The following DSP variants were observed in gnomAD, a reference collection of about 807,000 sequenced individuals.
DSP encodes 250/210 kDa paraneoplastic pemphigus antigen.
In DSP, 114 loss-of-function variants were observed where a neutral mutation model predicts 290.6. That is an observed-to-expected ratio of 0.39 (90% confidence interval 0.34 to 0.46). The LOEUF is 0.46. Among genes scored for constraint, DSP ranks in the 20% least tolerant of loss-of-function variants. The pLI is 0.99. For synonymous variants in DSP, 1,311 were observed against 1,316.4 expected, an observed-to-expected ratio of 1.00 and a Z score of 0.09; for missense variants, 3,230 against 3,495.8, an observed-to-expected ratio of 0.92 and a Z score of 1.92.
rs778679255 is a variant in DSP at position 7,583,757 on chromosome 6, C to T, written c.6495C>T (p.Pro2165=). ...ATTTGTATCGATCCCTGAATGATCCCCGAGATAGTCAGAAAAACTTTGTGG... is the reference window on the plus strand; with the variant it reads ...ATTTGTATCGATCCCTGAATGATCCTCGAGATAGTCAGAAAAACTTTGTGG... ...DRDLYRSLND[P]RDSQKNFVDP... Residue 2165 remains proline, a synonymous_variant, in exon 24 of 24, where the codon CCC becomes CCT. Coordinates refer to ENST00000379802, the MANE Select transcript of DSP (RefSeq NM_004415.4). This position sits in a 1 kb window ranked among gnomAD's most constrained non-coding sequence, Gnocchi z 4.0. The T allele has an allele frequency of 2.5e-6, 4 of 1,614,036 alleles. No homozygotes were observed. The South Asian group carries it at 4.4e-5, about 18-fold the overall frequency.
At position 7,546,964 on chromosome 6, in the gene DSP, A is replaced by G. The variant is rs1000100688; in HGVS notation, c.170+4879A>G. Among the ~76,000 whole-genome samples, 4 of 152,320 alleles carry G rather than the reference A, an allele frequency of 2.6e-5. No individual in the cohort carries two copies. In the South Asian group the frequency reaches 8.3e-4, roughly 32 times the overall value. On this transcript the variant is annotated intron_variant, in intron 1 of 23. Coordinates refer to ENST00000379802, the MANE Select transcript of DSP (RefSeq NM_004415.4). ...AAACTGCTGATGCCCCTGATGCCTC[A>G]GTGCTGACTTCTTAGGGTGGAGCAA... is the stretch of plus-strand genomic sequence containing the variant.
chr6:7,559,467 A>G, intron 4 of DSP, 67 bp downstream of exon 4: 1 of 1,601,126 alleles, frequency 6.2e-7, no homozygotes, highest in Non-Finnish European at 8.5e-7. Flanking sequence ...GGGTCAGCCC[A>G]TGTGTTTGTG....
In DSP at chr6:7,586,018, A is replaced by G. The variant is rs1759662672; in HGVS notation, c.*140A>G. On this transcript the variant is annotated 3_prime_UTR_variant, in exon 24 of 24. Transcript: ENST00000379802. Reference sequence around the variant, plus strand: ...CTTACAGAAAATATAGCCATGATTGAAATCAAATAGTAAAGGCTGTTCTGG... The same window carrying G: ...CTTACAGAAAATATAGCCATGATTGGAATCAAATAGTAAAGGCTGTTCTGG... 1.1e-6 allele frequency: 1 copy of G among 895,586 alleles called. No individual in the cohort carries two copies. Among genetic ancestry groups the G allele is most frequent in the South Asian group, 1.5e-5 (1 of 65,114 alleles). 55.5% of individuals were successfully genotyped at this position (895,586 alleles called of 1,614,324 possible).
intron 12 of DSP, among the ~76,000 whole-genome samples, chr6:7,569,621 G>C (rs1008177420): frequency 5.3e-5 from 8 of 152,232 alleles, no homozygotes; most frequent in African/African-American, 1.7e-4. Flanking sequence ...GATCACCTGA[G>C]GTTAGGAGTT....
At chr6:7,577,082 A>T in intron 20 of DSP, 40 bp downstream of exon 20, 1 of 1,518,360 alleles carries the variant, frequency 6.6e-7, no homozygotes, top group South Asian at 1.2e-5. Flanking sequence ...TTTCACCAAG[A>T]TTATTATTAA....
Position 7,580,836 on chromosome 6 carries a change from G to A in DSP, c.4646G>A (p.Arg1549Lys). 6.2e-7 allele frequency: 1 copy of A among 1,614,142 alleles called. No individual in the cohort carries two copies. The highest frequency in any genetic ancestry group is 8.5e-7 in the Non-Finnish European group (1 of 1,180,032). The change falls in exon 23 of 24, where the codon AGG becomes AAG. Residue 1549 changes from arginine (R) to lysine (K), a missense_variant. By Grantham distance (26) the Arg-to-Lys change is conservative. Coordinates refer to ENST00000379802, the MANE Select transcript of DSP (RefSeq NM_004415.4). This position sits in a 1 kb window ranked among gnomAD's most constrained non-coding sequence, Gnocchi z 4.2. ...GACTATGAAAGGGTTTCCCAGGAGA[G>A]GACTGTGAAGGACCAGGATATCACG... ...RIDYERVSQE[R>K]TVKDQDITRF...
rs1257250132 is a variant in DSP at position 7,584,969 on chromosome 6, C to A, written c.7707C>A (p.Thr2569=). The part of the protein sequence containing the change: ...DMISLKNGVG[T]SSSMGSGVSD... ...TCTCCTTGAAAAATGGTGTCGGCAC[C>A]AGCAGCAGCATGGGCAGTGGTGTCA... The change falls in exon 24 of 24, where the codon ACC becomes ACA. Residue 2569 remains threonine (T), a synonymous_variant. Transcript: ENST00000379802. This position sits in a 1 kb window ranked among gnomAD's most constrained non-coding sequence, Gnocchi z 6.4. 2 of 1,614,106 alleles carry A rather than the reference C, an allele frequency of 1.2e-6. No homozygotes were observed. The highest frequency in any genetic ancestry group is 1.7e-6 in the Non-Finnish European group (2 of 1,180,050).
intron 8 of DSP, among the ~76,000 whole-genome samples, chr6:7,566,765 T>A (rs1236123597): frequency 6.6e-6 from 1 of 152,222 alleles, no homozygotes; most frequent in Non-Finnish European, 1.5e-5. Context: ...AGTGTGCCTG[T>A]ATTCCAATAA....
chr6:7,573,628 T>C (rs906912098), intron 15 of DSP, among the ~76,000 whole-genome samples: 1 of 151,150 alleles, frequency 6.6e-6, no homozygotes, highest in Admixed American at 6.6e-5. Flanking sequence ...AAAGCATGGA[T>C]GAATGTGGGG....
chr6:7,583,069 A>G lies in DSP; in HGVS notation c.5807A>G (p.Gln1936Arg). The G allele has an allele frequency of 1.2e-6, 2 of 1,614,120 alleles. No homozygotes were observed. Among genetic ancestry groups the G allele is most frequent in the Non-Finnish European group, 1.7e-6 (2 of 1,180,030 alleles). ...TTAGAAACAGAACGCTCCCGATATCAGAGGGAGATTGATAAACTCAGACAG... is the reference window on the plus strand; with the variant it reads ...TTAGAAACAGAACGCTCCCGATATCGGAGGGAGATTGATAAACTCAGACAG... Reference protein sequence around the residue: ...SQLETERSRYQREIDKLRQRP... With the variant: ...SQLETERSRYRREIDKLRQRP... The change falls in exon 24 of 24, where the codon CAG becomes CGG. Residue 1936 changes from glutamine to arginine, a missense_variant. Coordinates refer to ENST00000379802, the MANE Select transcript of DSP (RefSeq NM_004415.4). This position sits in a 1 kb window ranked among gnomAD's most constrained non-coding sequence, Gnocchi z 4.0.
rs886038909 is a variant in DSP at position 7,567,399 on chromosome 6, A to G, written c.1090A>G (p.Ile364Val). ...GACGCAGTGGAGTTGGATTCTTCAG[A>G]TCACCAAGTGCATTGATGTTCATCT... ...LQTQWSWILQ[I>V]TKCIDVHLKE... Residue 364 changes from isoleucine to valine, a missense_variant, in exon 9 of 24, where the codon ATC (isoleucine) becomes GTC (valine). Ile to Val is a conservative substitution (Grantham distance 29). Coordinates refer to ENST00000379802, the MANE Select transcript of DSP (RefSeq NM_004415.4). The G allele has an allele frequency of 6.2e-7, 1 of 1,614,122 alleles. No individual in the cohort carries two copies. Among genetic ancestry groups the G allele is most frequent in the East Asian group, 2.2e-5 (1 of 44,872 alleles).
intron 1 of DSP, among the ~76,000 whole-genome samples, chr6:7,554,294 G>A (rs2744373): frequency 0.13 from 19,102 of 152,216 alleles, 1,280 homozygotes; most frequent in Non-Finnish European, 0.15. Flanking sequence ...AGGCTGTGCT[G>A]TGGCATAATA....
At chr6:7,551,334 G>T (rs892065543) in intron 1 of DSP, among the ~76,000 whole-genome samples, 1 of 151,950 alleles carries the variant, frequency 6.6e-6, no homozygotes, top group African/African-American at 2.4e-5. Flanking sequence ...TTAAAAAAAT[G>T]CATGTTTCCT....
At chr6:7,577,749 A>G (rs1163131822) in intron 20 of DSP, 30 bp from the exon 21 acceptor site, 3 of 1,541,068 alleles carry the variant, frequency 1.9e-6, no homozygotes, top group Admixed American at 1.7e-5. Flanking sequence ...TCTATGAAGG[A>G]CACTTTTCTT....
rs747279731 is a variant in DSP at position 7,581,084 on chromosome 6, G to C, written c.4894G>C (p.Asp1632His). The C allele has an allele frequency of 6.2e-7, 1 of 1,614,058 alleles. No homozygotes were observed. ...ASIVKKRSED[D>H]LRQQRDVLDG... Reference sequence around the variant, plus strand: ...CATTGTTAAGAAGAGGAGTGAGGATGACCTCCGGCAGCAGAGGGACGTGCT... The same window carrying C: ...CATTGTTAAGAAGAGGAGTGAGGATCACCTCCGGCAGCAGAGGGACGTGCT... Residue 1632 changes from aspartate to histidine, a missense_variant, in exon 23 of 24, where the codon GAC becomes CAC. Around this residue, in one of 5 missense-constraint regions of DSP, gnomAD observed 1,714 missense variants for 1,844.5 expected, o/e 0.93. Coordinates refer to ENST00000379802, the MANE Select transcript of DSP (RefSeq NM_004415.4).
chr6:7,574,387 AGCATGTTAATTCCGCTAGCCTC>A (rs1409721242), intron 16 of DSP, 135 bp downstream of exon 16: 1 of 999,078 alleles, frequency 1.0e-6, no homozygotes, highest in Admixed American at 2.2e-5. Context: ...TGGTTTGGAG[AGCATGTTAATTCCGCTAGCCTC>A]GCATGTTAAT....
rs1054965369 is a variant in DSP, at chr6:7,584,276, G to C, written c.7014G>C (p.Gly2338=). ...KLLSAERAVT[G]YNDPETGNII... ...TGTCTGCAGAACGAGCTGTCACTGG[G>C]TATAATGATCCTGAAACAGGAAACA... Residue 2338 remains glycine, a synonymous_variant, in exon 24 of 24, where the codon GGG becomes GGC. Transcript: ENST00000379802. This position sits in a 1 kb window ranked among gnomAD's most constrained non-coding sequence, Gnocchi z 6.4. 9 of 1,614,148 alleles carry C rather than the reference G, an allele frequency of 5.6e-6. No individual in the cohort carries two copies. In the Admixed American group the frequency reaches 1.2e-4, roughly 21 times the overall value.
chr6:7,577,935 C>G, intron 21 of DSP, 49 bp downstream of exon 21: 1 of 1,456,836 alleles, frequency 6.9e-7, no homozygotes, highest in Non-Finnish European at 9.6e-7. Flanking sequence ...CCTTCTGCTT[C>G]TTCCCTTTTC....
chr6:7,585,781 G>T lies in DSP; in HGVS notation c.8519G>T (p.Gly2840Val), dbSNP rs1312581264. The change falls in exon 24 of 24, where the codon GGG becomes GTG. Residue 2840 changes from glycine (G) to valine (V), a missense_variant. Gly to Val is a moderately radical substitution (Grantham distance 109). This residue lies in a region of DSP where 582 missense variants were observed against 555.4 expected (regional missense o/e 1.05). Coordinates refer to ENST00000379802, the MANE Select transcript of DSP (RefSeq NM_004415.4). The part of the protein sequence containing the change: ...RSGSRSGSRS[G>V]SRSGSRRGSF... ...GGATCTCGCTCCGGATCTCGCTCCG[G>T]GTCCCGCAGTGGGTCCCGGAGAGGA... The T allele has an allele frequency of 6.2e-7, 1 of 1,609,202 alleles. No individual in the cohort carries two copies. The highest frequency in any genetic ancestry group is 1.3e-5 in the African/African-American group (1 of 74,588).
Sources: allele counts gnomAD v4.1 joint callset (sites outside exome capture counted in the v4.1 genomes callset), GRCh38; gene constraint gnomAD v4.1.1; regional missense constraint gnomAD v4.1.1; non-coding constraint Gnocchi (gnomAD v3.1); transcripts MANE v1.5; gene names NCBI Gene and HGNC (gene_info 2026-07-23, HGNC 2026-07-21).